Variants in ERBB4 observed in about 807,000 individuals in gnomAD.
ERBB4 encodes the protein erb-b2 receptor tyrosine kinase 4.
A neutral mutation model predicts 158.0 loss-of-function variants in ERBB4; 42 were observed. The ratio of observed to expected loss-of-function variants is 0.27; its 90% CI spans 0.21 to 0.34. The LOEUF is 0.34. ERBB4 is among the 10% of genes least tolerant of loss of function. The pLI is 1.00. For missense variants in ERBB4, 1,333 were observed against 1,624.1 expected (o/e 0.82, Z 3.08); for synonymous variants, 583 against 558.7 (o/e 1.04, Z -0.61).
At chr2:211,922,778 A>T (rs1456448305) in intron 3 of ERBB4, among the ~76,000 whole-genome samples, 1 of 152,184 alleles carries the variant, frequency 6.6e-6, no homozygotes, top group African/African-American at 2.4e-5. Flanking sequence ...TTGTCAGAGG[A>T]TATAACCTTT....
intron 20 of ERBB4, among the ~76,000 whole-genome samples, chr2:211,459,106 T>C (rs1428246198): frequency 6.6e-6 from 1 of 152,198 alleles, no homozygotes. Flanking sequence ...TACAATACTT[T>C]TCTGTGTTTG....
intron 20 of ERBB4, among the ~76,000 whole-genome samples, chr2:211,539,638 C>T (rs1284418158): frequency 6.6e-6 from 1 of 151,900 alleles, no homozygotes; most frequent in Non-Finnish European, 1.5e-5. Flanking sequence ...AAGGGTAGCT[C>T]ATTTGAATTC....
chr2:212,121,270 T>G (rs992651403), intron 2 of ERBB4, among the ~76,000 whole-genome samples: 5 of 152,312 alleles, frequency 3.3e-5, no homozygotes, highest in Admixed American at 2.6e-4. Context: ...CTCGCTGTGT[T>G]GCACAGGCTG....
intron 3 of ERBB4, among the ~76,000 whole-genome samples, chr2:211,852,427 G>A (rs2077741006): frequency 6.6e-6 from 1 of 151,814 alleles, no homozygotes; most frequent in South Asian, 2.1e-4. Flanking sequence ...TGGGAGAAGG[G>A]TTTGGTAAGT....
In ERBB4 at chr2:212,538,330, G is replaced by A. The variant is rs905950976; in HGVS notation, c.82+119C>T. 15 of 858,254 alleles carry A rather than the reference G, an allele frequency of 1.7e-5. No homozygotes were observed. The Admixed American group carries it at 1.9e-4, about 11-fold the overall frequency. 53.2% of individuals were successfully genotyped at this position (858,254 alleles called of 1,614,324 possible). A position where few individuals can be genotyped will look rare whatever the true frequency, so the allele number is the denominator to read the frequency against. ...GGGTGACCGAAAGCCCAGGGAAGAG[G>A]CCCCGGTCAAGCGGTCCCTCCACGC... On this transcript the variant is annotated intron_variant, in intron 1 of 27. Transcript: ENST00000342788.
chr2:212,242,994 G>A (rs984693168), intron 1 of ERBB4, among the ~76,000 whole-genome samples: 1 of 152,214 alleles, frequency 6.6e-6, no homozygotes, highest in African/African-American at 2.4e-5. Flanking sequence ...TTTCCCCATT[G>A]CATGAAATTT....
chr2:212,016,826 A>G (rs145269517), intron 2 of ERBB4, among the ~76,000 whole-genome samples: 2,827 of 152,212 alleles, frequency 0.019, 43 homozygotes, highest in Middle Eastern at 0.034. Context: ...TCATTTTCTC[A>G]TCCATAAAAT....
At chr2:212,212,277 G>C (rs922192498) in intron 1 of ERBB4, among the ~76,000 whole-genome samples, 1 of 151,648 alleles carries the variant, frequency 6.6e-6, no homozygotes, top group African/African-American at 2.4e-5. Flanking sequence ...AGATAGACAA[G>C]CAAAGAGTCA....
chr2:212,254,191 C>T (rs1052184005), intron 1 of ERBB4, among the ~76,000 whole-genome samples: 1 of 152,002 alleles, frequency 6.6e-6, no homozygotes, highest in Non-Finnish European at 1.5e-5. Context: ...AATATTATGG[C>T]CTCTAACTAA....
At chr2:212,053,288 AAAT>A (rs1344012284) in intron 2 of ERBB4, among the ~76,000 whole-genome samples, 1 of 152,190 alleles carries the variant, frequency 6.6e-6, no homozygotes, top group African/African-American at 2.4e-5. Flanking sequence ...ATAGTTTTCC[AAAT>A]AATAAATCAG....
intron 3 of ERBB4, among the ~76,000 whole-genome samples, chr2:211,918,743 T>G (rs552090432): frequency 1.8e-4 from 27 of 152,238 alleles, no homozygotes; most frequent in African/African-American, 2.6e-4. Flanking sequence ...TAAGAGCTGG[T>G]GTACAATTTA....
intron 2 of ERBB4, among the ~76,000 whole-genome samples, chr2:212,071,052 T>C (rs2078101125): frequency 6.6e-6 from 1 of 151,948 alleles, no homozygotes; most frequent in Non-Finnish European, 1.5e-5. Flanking sequence ...ATTAAGAAAC[T>C]GCACTCTTGA....
chr2:211,665,220 A>G, intron 15 of ERBB4, 103 bp downstream of exon 15: 3 of 1,143,138 alleles, frequency 2.6e-6, no homozygotes, highest in Non-Finnish European at 2.7e-6. Context: ...AAGGATTAGT[A>G]GAGTTCTATG....
At chr2:212,206,227 G>A (rs1233474598) in intron 1 of ERBB4, among the ~76,000 whole-genome samples, 1 of 152,078 alleles carries the variant, frequency 6.6e-6, no homozygotes, top group Admixed American at 6.6e-5. Context: ...CCTAGCACAG[G>A]ATCTGACACA....
At chr2:212,085,293 T>C (rs1336603819) in intron 2 of ERBB4, among the ~76,000 whole-genome samples, 1 of 151,986 alleles carries the variant, frequency 6.6e-6, no homozygotes, top group Non-Finnish European at 1.5e-5. Flanking sequence ...GAGTGTAACA[T>C]TAATGAAAAT....
At chr2:211,924,088 T>A (rs2079950502) in intron 3 of ERBB4, among the ~76,000 whole-genome samples, 1 of 152,132 alleles carries the variant, frequency 6.6e-6, no homozygotes, top group Non-Finnish European at 1.5e-5. Context: ...GCCATTCTCA[T>A]GGAAACCCCA....
intron 1 of ERBB4, among the ~76,000 whole-genome samples, chr2:212,146,400 G>A (rs866355144): frequency 1.3e-5 from 2 of 152,104 alleles, no homozygotes; most frequent in East Asian, 3.9e-4. Flanking sequence ...AAGAATTGTT[G>A]ACAATATAAC....
chr2:211,725,211 T>C lies in ERBB4; in HGVS notation c.623-17A>G. On this transcript the variant is annotated splice_polypyrimidine_tract_variant and intron_variant, in intron 5 of 27. Coordinates refer to ENST00000342788, the MANE Select transcript of ERBB4 (RefSeq NM_005235.3). ...TCCTTGTCACTGCAGAAGACAGAGA[T>C]AGGACCATGATCAAAGTCTGCCACC... 3 of 1,582,510 alleles carry C rather than the reference T, an allele frequency of 1.9e-6. No individual in the cohort carries two copies. The highest frequency in any genetic ancestry group is 2.6e-6 in the Non-Finnish European group (3 of 1,151,176).
chr2:212,489,752 C>T (rs1199418756), intron 1 of ERBB4, among the ~76,000 whole-genome samples: 6 of 151,108 alleles, frequency 4.0e-5, no homozygotes, highest in Non-Finnish European at 7.4e-5. Context: ...TATAGAAGAA[C>T]AGTTCAGCAG....
Sources: gnomAD v4.1 joint callset for allele counts (sites outside exome capture counted in the v4.1 genomes callset) on GRCh38, gnomAD v4.1.1 for gene constraint, MANE v1.5 for transcripts, NCBI Gene and HGNC (gene_info 2026-07-23, HGNC 2026-07-21) for gene names.